Variants in PARD3B observed in about 807,000 individuals in gnomAD.
The protein encoded by PARD3B is par-3 family cell polarity regulator beta, also known as partitioning defective 3 homolog B.
Under a neutral mutation model 130.2 loss-of-function variants are expected in PARD3B, and 103 were observed. The observed-to-expected ratio is 0.79, with a 90% CI of 0.67 to 0.93. PARD3B has a LOEUF of 0.93. Ranked by LOEUF, PARD3B falls within the 40% of genes least tolerant of loss-of-function variation. PARD3B has a pLI of 0.00. For synonymous variants in PARD3B, 583 were observed against 553.2 expected, an observed-to-expected ratio of 1.05 and a Z score of -0.76; for missense variants, 1,609 against 1,499.2, an observed-to-expected ratio of 1.07 and a Z score of -1.21.
rs147082053 is a variant in PARD3B at position 205,117,609 on chromosome 2, T to C, written c.681-1312T>C. Among the ~76,000 whole-genome samples, 345 of 152,328 alleles carry C rather than the reference T, an allele frequency of 2.3e-3. 2 individuals are homozygous for C. Among genetic ancestry groups the C allele is most frequent in the African/African-American group, 7.5e-3 (313 of 41,572 alleles). ...ACATAAAATGTACTCATGTTTTATT[T>C]AGGTTTGAAATTTAATGTGAAGGTA... On this transcript the variant is annotated intron_variant, in intron 6 of 22. Coordinates refer to ENST00000406610, the MANE Select transcript of PARD3B (RefSeq NM_001302769.2).
At chr2:205,451,271 C>G (rs1187644381) in intron 20 of PARD3B, among the ~76,000 whole-genome samples, 1 of 152,164 alleles carries the variant, frequency 6.6e-6, no homozygotes, top group Non-Finnish European at 1.5e-5. Flanking sequence ...ATGTGCTAGT[C>G]AAGTTCATCC....
In PARD3B at chr2:205,366,754, G is replaced by A. The variant is rs1293154427; in HGVS notation, c.2631-34259G>A. 6.6e-6 allele frequency among the ~76,000 whole-genome samples: 1 copy of A among 152,128 alleles called. No homozygotes were observed. On this transcript the variant is annotated intron_variant, in intron 18 of 22. Transcript: ENST00000406610. The surrounding 1 kb of genome is among the most constrained non-coding windows in gnomAD (Gnocchi z 5.0). Reference sequence around the variant, plus strand: ...CTCAGGCACCAAGCATTTGAATTCTGCAACCTTTGAAGTTGTATCTCTGCA... The same window carrying A: ...CTCAGGCACCAAGCATTTGAATTCTACAACCTTTGAAGTTGTATCTCTGCA...
At chr2:204,897,387 T>TTTG (rs1553550999) in intron 2 of PARD3B, among the ~76,000 whole-genome samples, 4 of 149,950 alleles carry the variant, frequency 2.7e-5, no homozygotes, top group African/African-American at 7.3e-5. Context: ...TAGGTACTGT[T>TTTG]TTTTTTTTTT....
intron 21 of PARD3B, 144 bp downstream of exon 21, chr2:205,500,175 C>G: frequency 2.2e-6 from 2 of 923,810 alleles, no homozygotes; most frequent in Non-Finnish European, 3.2e-6. Context: ...ACCCAAACCA[C>G]AGGCATATTC....
chr2:204,889,516 A>C (rs1000594332), intron 2 of PARD3B, among the ~76,000 whole-genome samples: 1 of 152,182 alleles, frequency 6.6e-6, no homozygotes, highest in Non-Finnish European at 1.5e-5. Flanking sequence ...AACCAAACAA[A>C]GTAGGGGGTC....
chr2:205,493,810 T>G (rs965184305), intron 20 of PARD3B, among the ~76,000 whole-genome samples: 2 of 151,936 alleles, frequency 1.3e-5, no homozygotes, highest in African/African-American at 4.8e-5. Context: ...CAGCCTGGAG[T>G]ACAGTGGCAT....
chr2:204,919,263 A>C (rs1007246509), intron 2 of PARD3B, among the ~76,000 whole-genome samples: 1 of 152,204 alleles, frequency 6.6e-6, no homozygotes, highest in African/African-American at 2.4e-5. Context: ...TTATAAAGTA[A>C]AATTTACATA....
intron 4 of PARD3B, among the ~76,000 whole-genome samples, chr2:205,054,437 T>TATATATATATATA (rs1491373014): frequency 4.0e-3 from 110 of 27,246 alleles, no homozygotes; most frequent in African/African-American, 5.5e-3. Flanking sequence ...TATATATATA[T>TATATATATATATA]TTTTTTTTTT....
rs977315027 is a variant in PARD3B at position 205,446,467 on chromosome 2, G to T, written c.3044+5795G>T. On this transcript the variant is annotated intron_variant, in intron 20 of 22. Coordinates refer to ENST00000406610, the MANE Select transcript of PARD3B (RefSeq NM_001302769.2). The surrounding 1 kb of genome is among the most constrained non-coding windows in gnomAD (Gnocchi z 4.4). ...ATGGTTAAATATGATTTTACATTTT[G>T]CATTTTTTTCTATCTCCATATGAAA... 3.3e-5 allele frequency among the ~76,000 whole-genome samples: 5 copies of T among 152,026 alleles called. No individual in the cohort carries two copies. The highest frequency in any genetic ancestry group is 7.4e-5 in the Non-Finnish European group (5 of 67,992).
chr2:204,552,410 G>A (rs899722427), intron 1 of PARD3B, among the ~76,000 whole-genome samples: 1 of 152,180 alleles, frequency 6.6e-6, no homozygotes, highest in African/African-American at 2.4e-5. Flanking sequence ...TGGAGAGTGG[G>A]CCAAGAAGGA....
chr2:205,477,855 T>C (rs539743672), intron 20 of PARD3B, among the ~76,000 whole-genome samples: 5 of 152,270 alleles, frequency 3.3e-5, no homozygotes, highest in African/African-American at 9.6e-5. Flanking sequence ...GTTTCTTTAG[T>C]GAAGTTTCTG....
At chr2:204,860,583 G>T (rs542377149) in intron 2 of PARD3B, among the ~76,000 whole-genome samples, 1 of 152,332 alleles carries the variant, frequency 6.6e-6, no homozygotes, top group South Asian at 2.1e-4. Context: ...GCAGAATGGA[G>T]ACTGGTAAAA....
chr2:205,073,256 T>C (rs1700849240), intron 4 of PARD3B, among the ~76,000 whole-genome samples: 2 of 152,148 alleles, frequency 1.3e-5, no homozygotes, highest in Admixed American at 6.5e-5. Context: ...TAAACAGCAG[T>C]TTTCCTGTAA....
intron 19 of PARD3B, among the ~76,000 whole-genome samples, chr2:205,432,376 T>G (rs2047367953): frequency 6.6e-6 from 1 of 152,180 alleles, no homozygotes; most frequent in African/African-American, 2.4e-5. Flanking sequence ...ACCTCTAGTT[T>G]GCTTCCCACC....
intron 3 of PARD3B, among the ~76,000 whole-genome samples, chr2:204,995,522 T>A (rs1271831863): frequency 6.8e-6 from 1 of 146,432 alleles, no homozygotes; most frequent in Non-Finnish European, 1.5e-5. Flanking sequence ...CATTTTTTCC[T>A]TCATTTCAAC....
chr2:205,501,213 A>G (rs940803376), intron 21 of PARD3B, among the ~76,000 whole-genome samples: 1 of 152,226 alleles, frequency 6.6e-6, no homozygotes, highest in Non-Finnish European at 1.5e-5. Context: ...TTGCACCTGT[A>G]TAATGGAGTT....
At chr2:205,152,393 T>C (rs1411489116) in intron 10 of PARD3B, among the ~76,000 whole-genome samples, 3 of 152,202 alleles carry the variant, frequency 2.0e-5, no homozygotes, top group African/African-American at 7.2e-5. Flanking sequence ...CTTTCAGGTA[T>C]ACCAATCAGA....
rs117193923 is a variant in PARD3B at position 204,961,873 on chromosome 2, G to A, written c.223-3279G>A. On this transcript the variant is annotated intron_variant, in intron 2 of 22. Transcript: ENST00000406610. ...TGACCTTGATAAGAGCAGTTTCAGT[G>A]GAGTTGAGGGGTGAGAGCCTGACTA... Among the ~76,000 whole-genome samples the A allele has an allele frequency of 2.0e-3, 306 of 152,236 alleles. 5 individuals are homozygous for A. The East Asian group carries it at 0.051, about 26-fold the overall frequency.
chr2:205,300,813 A>T lies in PARD3B; in HGVS notation c.2392+77A>T. ...AATCATGGGCAAGAATGTGTGCTCA[A>T]CTACAGAAAAAAATGATTTAAGGAT... On this transcript the variant is annotated intron_variant, in intron 17 of 22. Transcript: ENST00000406610. The surrounding 1 kb of genome is among the most constrained non-coding windows in gnomAD (Gnocchi z 4.1). The T allele has an allele frequency of 7.4e-7, 1 of 1,357,004 alleles. No individual in the cohort carries two copies. The highest frequency in any genetic ancestry group is 1.0e-6 in the Non-Finnish European group (1 of 983,346). 84.1% of individuals were successfully genotyped at this position (1,357,004 alleles called of 1,614,324 possible). A position where few individuals can be genotyped will look rare whatever the true frequency, so the allele number is the denominator to read the frequency against.
Sources: allele counts gnomAD v4.1 joint callset (sites outside exome capture counted in the v4.1 genomes callset), GRCh38; gene constraint gnomAD v4.1.1; non-coding constraint Gnocchi (gnomAD v3.1); transcripts MANE v1.5; gene names NCBI Gene and HGNC (gene_info 2026-07-23, HGNC 2026-07-21).